Variants in SLIT3 observed in about 807,000 individuals in gnomAD.
The protein encoded by SLIT3 is slit guidance ligand 3, also known as slit homolog 3 protein.
Under a neutral mutation model 184.0 loss-of-function variants are expected in SLIT3, and 68 were observed. The observed-to-expected ratio is 0.37, with a 90% CI of 0.30 to 0.45. The LOEUF is 0.45. SLIT3 is among the 20% of genes least tolerant of loss of function. The probability of loss-of-function intolerance (pLI) is 1.00; values close to 1 mark genes in which losing one functional copy is unlikely to be tolerated. For synonymous variants in SLIT3, 831 were observed against 828.6 expected (o/e 1.00, Z -0.05); for missense variants, 1,707 against 2,026.0 (o/e 0.84, Z 3.02).
At chr5:169,015,094 C>A (rs1756312742) in intron 4 of SLIT3, among the ~76,000 whole-genome samples, 1 of 145,610 alleles carries the variant, frequency 6.9e-6, no homozygotes, top group African/African-American at 2.6e-5. Context: ...TACAAACCAA[C>A]TAACTGGACA....
chr5:169,105,184 A>AT (rs1760158499), intron 4 of SLIT3, among the ~76,000 whole-genome samples: 1 of 151,242 alleles, frequency 6.6e-6, no homozygotes, highest in Non-Finnish European at 1.5e-5. Flanking sequence ...GGTTTCTTTT[A>AT]TTTTTTCCAT....
intron 4 of SLIT3, among the ~76,000 whole-genome samples, chr5:169,000,609 G>C (rs1755672649): frequency 6.6e-6 from 1 of 152,064 alleles, no homozygotes; most frequent in Admixed American, 6.5e-5. Context: ...AAAACTTAAG[G>C]GTGTTAGAAG....
intron 4 of SLIT3, among the ~76,000 whole-genome samples, chr5:168,901,824 C>T (rs1760883145): frequency 6.6e-6 from 1 of 152,124 alleles, no homozygotes; most frequent in South Asian, 2.1e-4. Flanking sequence ...TAGGCAGGTG[C>T]CCTCTCTCCT....
At chr5:169,019,450 T>A (rs1267377698) in intron 4 of SLIT3, among the ~76,000 whole-genome samples, 1 of 152,240 alleles carries the variant, frequency 6.6e-6, no homozygotes, top group Non-Finnish European at 1.5e-5. Flanking sequence ...TCACTCACAT[T>A]CCCTTGTATT....
intron 27 of SLIT3, among the ~76,000 whole-genome samples, chr5:168,696,931 G>C (rs2113270252): frequency 6.6e-6 from 1 of 152,230 alleles, no homozygotes; most frequent in South Asian, 2.1e-4. Flanking sequence ...AGTGGCCAAG[G>C]TCCCAGACTC....
intron 20 of SLIT3, among the ~76,000 whole-genome samples, chr5:168,741,010 G>A (rs1296906095): frequency 6.6e-6 from 1 of 152,110 alleles, no homozygotes; most frequent in East Asian, 1.9e-4. Flanking sequence ...TGCACGTGGG[G>A]GCATTTTTGT....
At chr5:169,210,120 G>A (rs1162164049) in intron 3 of SLIT3, among the ~76,000 whole-genome samples, 4 of 152,062 alleles carry the variant, frequency 2.6e-5, no homozygotes, top group Admixed American at 2.0e-4. Flanking sequence ...CAGAAGCTGT[G>A]GGAGAAATCG....
At chr5:169,088,025 C>T (rs532691102) in intron 4 of SLIT3, among the ~76,000 whole-genome samples, 128 of 152,308 alleles carry the variant, frequency 8.4e-4, no homozygotes, top group African/African-American at 2.0e-3. Flanking sequence ...TTCCTTACTT[C>T]GAGAAATAGG....
intron 3 of SLIT3, among the ~76,000 whole-genome samples, chr5:169,238,665 T>C (rs1370961504): frequency 2.0e-5 from 3 of 151,696 alleles, no homozygotes; most frequent in Admixed American, 2.0e-4. Flanking sequence ...TCTAACATTA[T>C]ACTTCTCAAG....
intron 4 of SLIT3, among the ~76,000 whole-genome samples, chr5:168,914,181 C>T (rs1761358928): frequency 6.6e-6 from 1 of 152,208 alleles, no homozygotes; most frequent in African/African-American, 2.4e-5. Context: ...AAGTTCCTAG[C>T]AGTGGGACTG....
chr5:168,667,337 A>G (rs758624142), intron 35 of SLIT3, among the ~76,000 whole-genome samples: 2 of 152,250 alleles, frequency 1.3e-5, no homozygotes, highest in Non-Finnish European at 2.9e-5. Context: ...AGATGTTCAT[A>G]CAAGAACATA....
chr5:168,745,370 C>T (rs947894569), intron 20 of SLIT3, among the ~76,000 whole-genome samples: 1 of 152,036 alleles, frequency 6.6e-6, no homozygotes, highest in Non-Finnish European at 1.5e-5. Context: ...TATTATATAA[C>T]CTCAGTTGAT....
intron 4 of SLIT3, among the ~76,000 whole-genome samples, chr5:169,096,732 G>C: frequency 6.6e-6 from 1 of 152,174 alleles, no homozygotes; most frequent in Middle Eastern, 3.2e-3. Context: ...CCATCGCTAT[G>C]GGCATGATCT....
intron 4 of SLIT3, among the ~76,000 whole-genome samples, chr5:168,926,354 C>T (rs950740676): frequency 8.5e-5 from 13 of 152,338 alleles, no homozygotes; most frequent in Admixed American, 5.2e-4. Flanking sequence ...AGAAGGGGCT[C>T]ATTTCTCTAA....
chr5:168,869,561 G>A (rs1435345777), intron 5 of SLIT3, among the ~76,000 whole-genome samples: 2 of 152,206 alleles, frequency 1.3e-5, no homozygotes, highest in African/African-American at 4.8e-5. Flanking sequence ...TTTATTTGGT[G>A]TACATGTCGG....
chr5:168,955,668 T>C (rs1458335684), intron 4 of SLIT3, among the ~76,000 whole-genome samples: 1 of 152,128 alleles, frequency 6.6e-6, no homozygotes, highest in African/African-American at 2.4e-5. Context: ...AACTTCCAAG[T>C]CTTTGTTGAG....
intron 4 of SLIT3, among the ~76,000 whole-genome samples, chr5:169,005,732 T>C (rs1238570877): frequency 1.3e-5 from 2 of 152,118 alleles, no homozygotes; most frequent in Non-Finnish European, 2.9e-5. Context: ...TATACTAGAG[T>C]TTCAGGTACA....
chr5:169,232,288 G>A (rs1335688863), intron 3 of SLIT3, among the ~76,000 whole-genome samples: 1 of 152,096 alleles, frequency 6.6e-6, no homozygotes, highest in Non-Finnish European at 1.5e-5. Context: ...GCAGTGGTGC[G>A]ATCTTGGCTC....
intron 4 of SLIT3, among the ~76,000 whole-genome samples, chr5:168,884,343 C>T (rs1027418811): frequency 6.7e-6 from 1 of 149,942 alleles, no homozygotes; most frequent in African/African-American, 2.5e-5. Context: ...ATGGCGTGGT[C>T]GGGGGGTGCA....
Sources: gnomAD v4.1 joint callset for allele counts (sites outside exome capture counted in the v4.1 genomes callset) on GRCh38, gnomAD v4.1.1 for gene constraint, MANE v1.5 for transcripts, NCBI Gene and HGNC (gene_info 2026-07-23, HGNC 2026-07-21) for gene names.